Variants in NDC80 observed in about 807,000 individuals in gnomAD.
The protein encoded by NDC80 is kinetochore protein NDC80 homolog.
NDC80 carries 69 observed loss-of-function variants against 89.3 expected under a neutral mutation model. The ratio of observed to expected loss-of-function variants is 0.77; its 90% CI spans 0.64 to 0.94. NDC80 has a LOEUF of 0.94. Among genes scored for constraint, NDC80 ranks in the 40% least tolerant of loss-of-function variants. The probability of loss-of-function intolerance (pLI) is 0.00; values close to 1 mark genes in which losing one functional copy is unlikely to be tolerated. For synonymous variants in NDC80, 243 were observed against 255.6 expected, an observed-to-expected ratio of 0.95 and a Z score of 0.47; for missense variants, 593 against 739.6, an observed-to-expected ratio of 0.80 and a Z score of 2.30.
intron 8 of NDC80, 149 bp downstream of exon 8, chr18:2,588,072 T>C: frequency 1.6e-6 from 1 of 606,456 alleles, no homozygotes; most frequent in Non-Finnish European, 2.8e-6. Flanking sequence ...GTGGTTTCTT[T>C]GGTGGAGAGA....
chr18:2,576,328 CAT>C (rs1446774061), intron 3 of NDC80, among the ~76,000 whole-genome samples: 3 of 152,108 alleles, frequency 2.0e-5, no homozygotes, highest in South Asian at 2.1e-4. Context: ...TTTTAAAAAA[CAT>C]ATTTTCAAAA....
chr18:2,612,847 A>C (rs540185874), intron 16 of NDC80, among the ~76,000 whole-genome samples: 1 of 152,226 alleles, frequency 6.6e-6, no homozygotes, highest in Non-Finnish European at 1.5e-5. Flanking sequence ...AATCAGTATA[A>C]ATTCTTAATA....
intron 16 of NDC80, 146 bp downstream of exon 16, chr18:2,611,007 T>A: frequency 2.3e-6 from 1 of 438,244 alleles, no homozygotes; most frequent in Non-Finnish European, 3.9e-6. Flanking sequence ...GAATCTTGTC[T>A]AGTGATGTGG....
chr18:2,603,118 A>G (rs565640865), intron 13 of NDC80, among the ~76,000 whole-genome samples: 8 of 152,106 alleles, frequency 5.3e-5, no homozygotes, highest in Non-Finnish European at 7.4e-5. Flanking sequence ...AGCAGAAGCT[A>G]TAGATTCAGA....
At chr18:2,602,167 A>G (rs2072687303) in intron 13 of NDC80, among the ~76,000 whole-genome samples, 2 of 152,194 alleles carry the variant, frequency 1.3e-5, no homozygotes, top group African/African-American at 4.8e-5. Context: ...GATCTGGCTA[A>G]TAGATTTCAA....
At chr18:2,601,340 A>T in intron 12 of NDC80, 56 bp from the exon 13 acceptor site, 2 of 798,742 alleles carry the variant, frequency 2.5e-6, no homozygotes, top group South Asian at 2.3e-5. Context: ...ATGCTTCAGG[A>T]GGGATATTTT....
At chr18:2,591,885 G>T (rs971061814) in intron 10 of NDC80, among the ~76,000 whole-genome samples, 1 of 151,608 alleles carries the variant, frequency 6.6e-6, no homozygotes, top group Non-Finnish European at 1.5e-5. Flanking sequence ...CTCCTGAGTA[G>T]CTGGGATTAC....
At chr18:2,606,829 T>G (rs4299227) in intron 14 of NDC80, among the ~76,000 whole-genome samples, 124,259 of 151,962 alleles carry the variant, frequency 0.82, 51,230 homozygotes, top group East Asian at 0.96. Context: ...TAGAGATTTA[T>G]TGTTATGTAC....
intron 7 of NDC80, among the ~76,000 whole-genome samples, chr18:2,586,564 TGC>T (rs1324334593): frequency 6.6e-6 from 1 of 152,078 alleles, no homozygotes; most frequent in African/African-American, 2.4e-5. Flanking sequence ...ACCCCATCTC[TGC>T]AAAAAGTACA....
At chr18:2,582,562 T>C (rs574513230) in intron 6 of NDC80, 20 of 152,352 alleles carry the variant, frequency 1.3e-4, no homozygotes, top group African/African-American at 4.8e-4. Context: ...TTTCTATTAC[T>C]AACCACTGTT....
intron 8 of NDC80, 36 bp from the exon 9 acceptor site, chr18:2,589,168 T>C (rs374046200): frequency 1.5e-5 from 20 of 1,341,934 alleles, no homozygotes; most frequent in African/African-American, 2.9e-5. Flanking sequence ...CTAGGCGGAT[T>C]TGAGGTCTTA....
At chr18:2,590,357 A>G (rs762265100) in intron 10 of NDC80, among the ~76,000 whole-genome samples, 195 bp downstream of exon 10, 19 of 152,218 alleles carry the variant, frequency 1.2e-4, no homozygotes, top group Non-Finnish European at 2.9e-5. Flanking sequence ...ATGGCTTAAA[A>G]CAACAGAAAT....
chr18:2,610,802 G>A lies in NDC80; in HGVS notation c.1732G>A (p.Val578Met), dbSNP rs1017658371. ...VQTTTEERRK[V>M]GNNLQRLLEM... is the part of the protein sequence containing the mutation. ...AACCACGACTGAAGAAAGACGAAAA[G>A]TGGGAAATAACTTGCAACGTCTGTT... The change falls in exon 16 of 17, where the codon GTG becomes ATG. Residue 578 changes from valine to methionine, a missense_variant. Physicochemically the swap from Val to Met is conservative, Grantham distance 21. Coordinates refer to ENST00000261597, the MANE Select transcript of NDC80 (RefSeq NM_006101.3). 5.7e-6 allele frequency: 9 copies of A among 1,591,442 alleles called. No individual in the cohort carries two copies. Among genetic ancestry groups the A allele is most frequent in the African/African-American group, 2.7e-5 (2 of 74,518 alleles).
intron 13 of NDC80, among the ~76,000 whole-genome samples, chr18:2,604,513 C>A (rs1422128755): frequency 6.6e-6 from 1 of 152,144 alleles, no homozygotes; most frequent in African/African-American, 2.4e-5. Context: ...AAAACCCAGC[C>A]ACTACCAAAA....
intron 16 of NDC80, among the ~76,000 whole-genome samples, chr18:2,613,997 T>C (rs370184823): frequency 2.0e-3 from 300 of 152,298 alleles, no homozygotes; most frequent in African/African-American, 6.8e-3. Flanking sequence ...AGGTGGCCAA[T>C]AAACATATGA....
At chr18:2,601,901 CAGG>C (rs1176144672) in intron 13 of NDC80, among the ~76,000 whole-genome samples, 2 of 152,076 alleles carry the variant, frequency 1.3e-5, no homozygotes, top group African/African-American at 4.8e-5. Flanking sequence ...CATGGAATTT[CAGG>C]AGAACTCAAA....
intron 12 of NDC80, among the ~76,000 whole-genome samples, 176 bp from the exon 13 acceptor site, chr18:2,601,220 C>G (rs1036145260): frequency 2.0e-5 from 3 of 152,152 alleles, no homozygotes; most frequent in African/African-American, 7.2e-5. Flanking sequence ...TCTACACTTA[C>G]AGAAATTTGA....
Position 2,579,030 on chromosome 18 carries a change from G to C in NDC80, c.579+1G>C. ...AGTTTGGCTAATAGACTGCATCAAG[G>C]TATTTGATTTGTTCTTTTGAAATGT... On this transcript the variant is annotated splice_donor_variant, in intron 6 of 16. Coordinates refer to ENST00000261597, the MANE Select transcript of NDC80 (RefSeq NM_006101.3). LOFTEE classifies it high-confidence loss of function. 1 of 1,509,604 alleles carries C rather than the reference G, an allele frequency of 6.6e-7. No individual in the cohort carries two copies. The highest frequency in any genetic ancestry group is 8.9e-7 in the Non-Finnish European group (1 of 1,126,772). 93.5% of individuals were successfully genotyped at this position (1,509,604 alleles called of 1,614,324 possible).
rs1230871758 is a variant in NDC80, at chr18:2,589,831, T to G, written c.871-187T>G. Reference sequence around the variant, plus strand: ...CTTTTTCAACCCTAGCAATTGTGGTTTTTTTTTTTTTCTATTTCAAACTGA... The same window carrying G: ...CTTTTTCAACCCTAGCAATTGTGGTGTTTTTTTTTTTCTATTTCAAACTGA... On this transcript the variant is annotated intron_variant, in intron 9 of 16. Coordinates refer to ENST00000261597, the MANE Select transcript of NDC80 (RefSeq NM_006101.3). Among the ~76,000 whole-genome samples the G allele has an allele frequency of 2.3e-4, 16 of 69,786 alleles. 1 individual carries two copies. Among genetic ancestry groups the G allele is most frequent in the African/African-American group, 4.7e-4 (7 of 14,850 alleles). 45.8% of individuals were successfully genotyped at this position (69,786 alleles called of 152,430 possible).
Sources: allele counts gnomAD v4.1 joint callset (sites outside exome capture counted in the v4.1 genomes callset), GRCh38; gene constraint gnomAD v4.1.1; transcripts MANE v1.5; gene names NCBI Gene and HGNC (gene_info 2026-07-23, HGNC 2026-07-21).